The following METTL16 variants were observed in gnomAD, a reference collection of about 807,000 sequenced individuals.
METTL16 encodes RNA N(6)-adenosine-methyltransferase METTL16.
A neutral mutation model predicts 57.9 loss-of-function variants in METTL16; 19 were observed. That is an observed-to-expected ratio of 0.33 (90% confidence interval 0.23 to 0.48). The LOEUF is 0.48. Ranked by LOEUF, METTL16 falls within the 20% of genes least tolerant of loss-of-function variation. METTL16 has a pLI of 0.99. For synonymous variants in METTL16, 246 were observed against 255.6 expected (o/e 0.96, Z 0.36); for missense variants, 434 against 691.5 (o/e 0.63, Z 4.18).
rs1567876454 is a variant in METTL16 at position 2,417,087 on chromosome 17, A to ATTTT, written c.*2882_*2883insAAAA. 3.5e-4 allele frequency: 4 copies of ATTTT among 11,366 alleles called. No individual in the cohort carries two copies. The highest frequency in any genetic ancestry group is 1.2e-3 in the African/African-American group (4 of 3,394). 0.7% of individuals were successfully genotyped at this position (11,366 alleles called of 1,614,324 possible). On this transcript the variant is annotated 3_prime_UTR_variant, in exon 10 of 10. Coordinates refer to ENST00000263092, the MANE Select transcript of METTL16 (RefSeq NM_024086.4). ...TTTTTTTTTTTTTTTTTTTTTTTTG[A>ATTTT]GACAGTCCCACTTTGTCGCCCAGGC...
intron 4 of METTL16, among the ~76,000 whole-genome samples, chr17:2,471,526 A>T (rs2067235091): frequency 6.6e-6 from 1 of 152,128 alleles, no homozygotes; most frequent in African/African-American, 2.4e-5. Context: ...GCAGTGGCTC[A>T]CGCCTGTAAT....
intron 2 of METTL16, among the ~76,000 whole-genome samples, chr17:2,482,705 G>A (rs1258130427): frequency 1.3e-5 from 2 of 152,192 alleles, no homozygotes; most frequent in Non-Finnish European, 2.9e-5. Context: ...TCAGGAGCTT[G>A]AGACCAGCCT....
intron 1 of METTL16, among the ~76,000 whole-genome samples, chr17:2,510,593 A>G (rs80204162): frequency 0.041 from 6,290 of 152,136 alleles, 143 homozygotes; most frequent in Non-Finnish European, 0.053. Context: ...TTTCTAACTA[A>G]CCTCCCAATA....
intron 4 of METTL16, 22 bp downstream of exon 4, chr17:2,473,502 G>A: frequency 6.3e-7 from 1 of 1,595,210 alleles, no homozygotes; most frequent in Non-Finnish European, 8.5e-7. Flanking sequence ...AAGTTTGGAG[G>A]CATTCATTCT....
At chr17:2,471,334 C>T (rs1321955319) in intron 4 of METTL16, among the ~76,000 whole-genome samples, 1 of 152,088 alleles carries the variant, frequency 6.6e-6, no homozygotes, top group Non-Finnish European at 1.5e-5. Context: ...ACCACGCTGG[C>T]TAATTTTTGT....
At chr17:2,445,427 A>C (rs536012306) in intron 6 of METTL16, among the ~76,000 whole-genome samples, 5 of 152,300 alleles carry the variant, frequency 3.3e-5, no homozygotes, top group Admixed American at 3.3e-4. Context: ...TGTATATTAA[A>C]ACATCACCTT....
At chr17:2,503,566 AT>A (rs2067506258) in intron 1 of METTL16, among the ~76,000 whole-genome samples, 7 of 152,244 alleles carry the variant, frequency 4.6e-5, no homozygotes, top group African/African-American at 1.7e-4. Flanking sequence ...GAAATACAGT[AT>A]ATCCATACAC....
chr17:2,445,711 G>T (rs538421957), intron 6 of METTL16, among the ~76,000 whole-genome samples: 1 of 151,586 alleles, frequency 6.6e-6, no homozygotes, highest in Non-Finnish European at 1.5e-5. Context: ...GCTTGAACCC[G>T]AGAGGCAGAG....
At chr17:2,437,313 C>T (rs1052094128) in intron 8 of METTL16, among the ~76,000 whole-genome samples, 24 of 152,120 alleles carry the variant, frequency 1.6e-4, no homozygotes, top group Non-Finnish European at 3.1e-4. Flanking sequence ...CAAGACAGAA[C>T]CCTTCATTAA....
chr17:2,467,705 C>T (rs1431816117), intron 5 of METTL16, 56 bp downstream of exon 5: 23 of 1,363,292 alleles, frequency 1.7e-5, no homozygotes, highest in African/African-American at 4.3e-5. Flanking sequence ...GGATTACAGG[C>T]GTGAGCCACC....
intron 3 of METTL16, chr17:2,475,372 TGCTA>T (rs1344339923): frequency 6.6e-6 from 1 of 152,204 alleles, no homozygotes; most frequent in East Asian, 1.9e-4. Flanking sequence ...CTTTGGCTGC[TGCTA>T]GCCGTTCTAG....
At chr17:2,429,237 G>A (rs1393437958) in intron 8 of METTL16, among the ~76,000 whole-genome samples, 1 of 146,118 alleles carries the variant, frequency 6.8e-6, no homozygotes, top group Non-Finnish European at 1.5e-5. Context: ...TCACCCAGGC[G>A]GAGTGCAGTG....
At chr17:2,463,766 C>A (rs753157990) in intron 6 of METTL16, among the ~76,000 whole-genome samples, 13 of 151,924 alleles carry the variant, frequency 8.6e-5, no homozygotes, top group Non-Finnish European at 1.9e-4. Context: ...AGCCTGCAAT[C>A]TTTATCTGCT....
At chr17:2,497,903 A>G (rs1026165221) in intron 2 of METTL16, among the ~76,000 whole-genome samples, 3 of 151,732 alleles carry the variant, frequency 2.0e-5, no homozygotes, top group African/African-American at 7.3e-5. Flanking sequence ...TTTAAAAAAT[A>G]TACCTCTTAG....
chr17:2,480,628 A>G (rs927886389), intron 2 of METTL16, among the ~76,000 whole-genome samples: 1 of 152,218 alleles, frequency 6.6e-6, no homozygotes, highest in African/African-American at 2.4e-5. Flanking sequence ...GAAGCATTTT[A>G]TTGTATTAGA....
chr17:2,437,503 T>C (rs1427780237), intron 8 of METTL16, among the ~76,000 whole-genome samples: 1 of 151,922 alleles, frequency 6.6e-6, no homozygotes, highest in Non-Finnish European at 1.5e-5. Context: ...AAAATGTTTC[T>C]ACAGGTTATG....
intron 8 of METTL16, among the ~76,000 whole-genome samples, chr17:2,432,428 G>A (rs2066879759): frequency 6.6e-6 from 1 of 152,110 alleles, no homozygotes; most frequent in African/African-American, 2.4e-5. Context: ...AATTAGCCAG[G>A]CATGGTGGCA....
chr17:2,436,297 A>G (rs566723803), intron 8 of METTL16, among the ~76,000 whole-genome samples: 2 of 152,174 alleles, frequency 1.3e-5, no homozygotes, highest in South Asian at 2.1e-4. Context: ...TCAAACACAA[A>G]CCTCTAGATA....
chr17:2,507,299 G>A (rs148027516), intron 1 of METTL16, among the ~76,000 whole-genome samples: 5,070 of 144,330 alleles, frequency 0.035, 125 homozygotes, highest in Middle Eastern at 0.058. Flanking sequence ...CCCTCTGCCC[G>A]GCCAGCCACC....
Sources: gnomAD v4.1 joint callset for allele counts (sites outside exome capture counted in the v4.1 genomes callset) on GRCh38, gnomAD v4.1.1 for gene constraint, MANE v1.5 for transcripts, NCBI Gene and HGNC (gene_info 2026-07-23, HGNC 2026-07-21) for gene names.